SEC63: variants seen among roughly 807,000 people sequenced by gnomAD.
The protein encoded by SEC63 is SEC63 protein translocation regulator.
Under a neutral mutation model 116.2 loss-of-function variants are expected in SEC63, and 56 were observed. The ratio of observed to expected loss-of-function variants is 0.48; its 90% CI spans 0.39 to 0.60. SEC63 has a LOEUF of 0.60. SEC63 is among the 20% of genes least tolerant of loss of function. The probability of loss-of-function intolerance (pLI) is 0.00; values close to 1 mark genes in which losing one functional copy is unlikely to be tolerated. For missense variants in SEC63, 668 were observed against 900.0 expected (o/e 0.74, Z 3.30); for synonymous variants, 273 against 294.6 (o/e 0.93, Z 0.75).
chr6:107,889,250 T>A (rs1056939115), intron 16 of SEC63, among the ~76,000 whole-genome samples: 1 of 152,184 alleles, frequency 6.6e-6, no homozygotes, highest in Non-Finnish European at 1.5e-5. Flanking sequence ...AGGGTATTAA[T>A]TGCTGCCTCA....
chr6:107,880,527 A>G (rs894421860), intron 18 of SEC63, among the ~76,000 whole-genome samples: 1 of 152,240 alleles, frequency 6.6e-6, no homozygotes, highest in East Asian at 1.9e-4. Flanking sequence ...CTGCAATTAC[A>G]AAGTAAACAA....
intron 1 of SEC63, among the ~76,000 whole-genome samples, chr6:107,938,842 A>G (rs766121341): frequency 6.6e-6 from 1 of 152,118 alleles, no homozygotes; most frequent in Admixed American, 6.6e-5. Context: ...GGCATGAGCC[A>G]CCGCCCACGC....
At position 107,881,254 on chromosome 6, in the gene SEC63, G is replaced by A. The variant is rs1786409315; in HGVS notation, c.1834-4C>T. The A allele has an allele frequency of 6.3e-7, 1 of 1,590,574 alleles. No individual in the cohort carries two copies. The highest frequency in any genetic ancestry group is 8.6e-7 in the Non-Finnish European group (1 of 1,160,424). ...TTTGTTGTAATTCTTGCCACTCCTA[G>A]TAAACAAAAAAATTAAAATATTTAA... On this transcript the variant is annotated splice_region_variant and splice_polypyrimidine_tract_variant and intron_variant, in intron 17 of 20. Transcript: ENST00000369002.
rs1787152769 is a variant in SEC63, at chr6:107,906,575, G to A, written c.834C>T (p.Ile278=). ...PTDNILIPQL[I]REIGSINLKK... ...TTAAATTAATGCTGCCAATTTCTCT[G>A]ATTAGCTAGAATAAATAAAATAATT... The change falls in exon 10 of 21, where the codon ATC becomes ATT. Residue 278 remains isoleucine (I), a synonymous_variant. Coordinates refer to ENST00000369002, the MANE Select transcript of SEC63 (RefSeq NM_007214.5). 1 of 1,612,200 alleles carries A rather than the reference G, an allele frequency of 6.2e-7. No homozygotes were observed. Among genetic ancestry groups the A allele is most frequent in the Admixed American group, 1.7e-5 (1 of 59,976 alleles).
chr6:107,927,648 A>G (rs1787705354), intron 2 of SEC63, among the ~76,000 whole-genome samples: 1 of 152,216 alleles, frequency 6.6e-6, no homozygotes, highest in Non-Finnish European at 1.5e-5. Flanking sequence ...AGATACCCAC[A>G]AAGTGTTGAA....
chr6:107,901,320 C>T (rs761827063), intron 13 of SEC63, 50 bp downstream of exon 13: 2 of 1,560,882 alleles, frequency 1.3e-6, no homozygotes, highest in Middle Eastern at 2.3e-4. Flanking sequence ...TAAATGAGAA[C>T]CAATCTATCA....
chr6:107,899,970 T>C lies in SEC63; in HGVS notation c.1357+1400A>G, dbSNP rs17280881. On this transcript the variant is annotated intron_variant, in intron 13 of 20. Coordinates refer to ENST00000369002, the MANE Select transcript of SEC63 (RefSeq NM_007214.5). ...CACTCCAGCCAAACTGAAACCAGAT[T>C]GCACTGTTTGCCTTCCTTTCCCAAT... Among the ~76,000 whole-genome samples, 665 of 152,274 alleles carry C rather than the reference T, an allele frequency of 4.4e-3. 2 individuals are homozygous for C. The highest frequency in any genetic ancestry group is 7.4e-3 in the Non-Finnish European group (501 of 68,012).
chr6:107,955,071 A>G (rs1266969195), intron 1 of SEC63, among the ~76,000 whole-genome samples: 1 of 152,212 alleles, frequency 6.6e-6, no homozygotes, highest in African/African-American at 2.4e-5. Context: ...GCAGTATGGA[A>G]ACCACACAGG....
chr6:107,903,516 G>A (rs1419896979), intron 11 of SEC63, among the ~76,000 whole-genome samples: 1 of 152,018 alleles, frequency 6.6e-6, no homozygotes. Context: ...GACCAGTCTG[G>A]GCGACAAAGT....
intron 14 of SEC63, among the ~76,000 whole-genome samples, chr6:107,896,233 G>A (rs1484591567): frequency 6.6e-6 from 1 of 152,112 alleles, no homozygotes; most frequent in Non-Finnish European, 1.5e-5. Context: ...GGAGACCAAG[G>A]TGGGTGGATC....
intron 12 of SEC63, 76 bp from the exon 13 acceptor site, chr6:107,901,593 G>T: frequency 9.4e-7 from 1 of 1,061,982 alleles, no homozygotes; most frequent in Non-Finnish European, 1.4e-6. Flanking sequence ...TTACTCACAT[G>T]TTAACCACAA....
intron 1 of SEC63, among the ~76,000 whole-genome samples, chr6:107,953,577 T>G (rs1338727278): frequency 1.6e-5 from 2 of 123,382 alleles, no homozygotes; most frequent in African/African-American, 3.5e-5. Context: ...GGTGGGGGGG[T>G]CAGCCCCCCG....
chr6:107,955,406 G>A (rs1265338206), intron 1 of SEC63, among the ~76,000 whole-genome samples: 3 of 152,108 alleles, frequency 2.0e-5, no homozygotes, highest in Non-Finnish European at 2.9e-5. Flanking sequence ...TAGGTGATCC[G>A]CCCGCCTGGG....
chr6:107,956,063 T>C, intron 1 of SEC63: 1 of 375,622 alleles, frequency 2.7e-6, no homozygotes, highest in Non-Finnish European at 5.4e-6. Flanking sequence ...GAGGATGACT[T>C]GAAGCAAGTT....
chr6:107,888,020 G>C (rs917071036), intron 16 of SEC63, among the ~76,000 whole-genome samples: 11 of 152,182 alleles, frequency 7.2e-5, no homozygotes, highest in African/African-American at 2.7e-4. Context: ...TTGAAGTCAG[G>C]TAGCGTGATG....
chr6:107,872,703 T>C (rs1786163474), intron 20 of SEC63, 105 bp downstream of exon 20: 1 of 732,794 alleles, frequency 1.4e-6, no homozygotes, highest in Non-Finnish European at 2.4e-6. Context: ...TGAGATGACT[T>C]CTTTTTCCTT....
intron 14 of SEC63, 105 bp from the exon 15 acceptor site, chr6:107,894,002 T>A (rs1311275744): frequency 3.4e-6 from 4 of 1,189,584 alleles, no homozygotes; most frequent in Non-Finnish European, 4.9e-6. Flanking sequence ...TATTTTTAAC[T>A]GGCTACAATT....
At chr6:107,954,464 T>TAAAAAAAAAAAAAAATAAAA (rs1770664460) in intron 1 of SEC63, 2 of 61,708 alleles carry the variant, frequency 3.2e-5, no homozygotes, top group Non-Finnish European at 2.8e-5. Context: ...AATGATCAAT[T>TAAAAAAAAAAAAAAATAAAA]AAAAAAAAAA....
At chr6:107,874,812 G>A (rs1047890099) in intron 19 of SEC63, among the ~76,000 whole-genome samples, 11 of 151,848 alleles carry the variant, frequency 7.2e-5, no homozygotes, top group African/African-American at 2.7e-4. Context: ...AGTTAGGCTG[G>A]GACTACAGGC....
Sources: allele counts gnomAD v4.1 joint callset (sites outside exome capture counted in the v4.1 genomes callset), GRCh38; gene constraint gnomAD v4.1.1; transcripts MANE v1.5; gene names NCBI Gene and HGNC (gene_info 2026-07-23, HGNC 2026-07-21).